FUT8: variants seen among roughly 807,000 people sequenced by gnomAD.
FUT8 encodes fucosyltransferase 8, also known as alpha-(1,6)-fucosyltransferase.
FUT8 carries 29 observed loss-of-function variants against 71.3 expected under a neutral mutation model. The observed-to-expected ratio is 0.41, with a 90% CI of 0.30 to 0.55. FUT8 has a LOEUF of 0.55. FUT8 is among the 20% of genes least tolerant of loss of function. FUT8 has a pLI of 0.34. For missense variants in FUT8, 544 were observed against 702.1 expected, an observed-to-expected ratio of 0.77 and a Z score of 2.55; for synonymous variants, 254 against 239.3, an observed-to-expected ratio of 1.06 and a Z score of -0.57.
At chr14:65,618,572 C>G (rs1889431253) in intron 5 of FUT8, among the ~76,000 whole-genome samples, 1 of 152,134 alleles carries the variant, frequency 6.6e-6, no homozygotes. Context: ...ATGAGCAAAA[C>G]ACAATCAAAC....
At chr14:65,359,833 CT>C in the FUT8 span, among the ~76,000 whole-genome samples, 6 of 150,472 alleles carry the variant, frequency 4.0e-5, no homozygotes, top group Admixed American at 6.7e-5. Context: ...AAGGCACACT[CT>C]TTTTTTTTTG....
chr14:65,473,788 C>T lies in FUT8; in HGVS notation c.-228+18070C>T, dbSNP rs187957866. Among the ~76,000 whole-genome samples, 238 of 152,200 alleles carry T rather than the reference C, an allele frequency of 1.6e-3. 2 individuals are homozygous for T. Among genetic ancestry groups the T allele is most frequent in the Non-Finnish European group, 4.0e-4 (27 of 68,022 alleles). On this transcript the variant is annotated intron_variant, in intron 2 of 10. Transcript: ENST00000673929. ...ACTAATGTTTAGAACTGAATTGGGT[C>T]CAGCAATTTAAGTGGAAAATCAGTA...
intron 1 of FUT8, among the ~76,000 whole-genome samples, chr14:65,424,396 G>C (rs1217685365): frequency 6.6e-6 from 1 of 152,100 alleles, no homozygotes; most frequent in Admixed American, 6.6e-5. Flanking sequence ...GTGGCTAAGT[G>C]TGTGGTATAA....
the FUT8 span, among the ~76,000 whole-genome samples, chr14:65,390,265 T>G: frequency 0.13 from 19,778 of 149,496 alleles, 1,957 homozygotes; most frequent in East Asian, 0.54. Context: ...GGAGGTTGCA[T>G]TGAGCTGAGA....
chr14:65,657,078 A>G (rs949101450), intron 6 of FUT8, among the ~76,000 whole-genome samples: 1 of 152,210 alleles, frequency 6.6e-6, no homozygotes. Context: ...TCTCCAGGAC[A>G]CTGGTTTGAG....
intron 2 of FUT8, among the ~76,000 whole-genome samples, chr14:65,501,357 A>C (rs997032065): frequency 2.0e-5 from 3 of 152,216 alleles, no homozygotes; most frequent in African/African-American, 4.8e-5. Flanking sequence ...GCCACTATTC[A>C]TATGGTTGAG....
intron 2 of FUT8, among the ~76,000 whole-genome samples, chr14:65,556,413 A>T (rs9972106): frequency 0.61 from 92,028 of 151,900 alleles, 28,081 homozygotes; most frequent in East Asian, 0.77. Context: ...GAGCACTTTA[A>T]ATCTTCGTTG....
At chr14:65,567,284 G>C (rs533324552) in intron 3 of FUT8, among the ~76,000 whole-genome samples, 5 of 151,978 alleles carry the variant, frequency 3.3e-5, no homozygotes, top group African/African-American at 1.2e-4. Context: ...ATTAATTTCC[G>C]ATTACCTGTT....
At chr14:65,650,159 C>CATG (rs1891302086) in intron 6 of FUT8, among the ~76,000 whole-genome samples, 1 of 151,718 alleles carries the variant, frequency 6.6e-6, no homozygotes, top group Admixed American at 6.6e-5. Flanking sequence ...ATTAGCCGGG[C>CATG]GTGGTGGCAC....
At chr14:65,687,646 A>G (rs1594897271) in intron 7 of FUT8, among the ~76,000 whole-genome samples, 1 of 152,150 alleles carries the variant, frequency 6.6e-6, no homozygotes, top group East Asian at 1.9e-4. Flanking sequence ...GAGCAGTTTT[A>G]AGCTTATAGA....
intron 3 of FUT8, among the ~76,000 whole-genome samples, chr14:65,610,538 C>T (rs1466392886): frequency 4.6e-5 from 7 of 151,676 alleles, no homozygotes; most frequent in Non-Finnish European, 8.8e-5. Context: ...TACAGGCATG[C>T]ACCACCATGC....
chr14:65,718,167 T>C (rs535305102), intron 7 of FUT8, among the ~76,000 whole-genome samples: 2 of 152,358 alleles, frequency 1.3e-5, no homozygotes, highest in East Asian at 3.9e-4. Flanking sequence ...CTATTTTCCT[T>C]TTAGTGAAGG....
At chr14:65,714,577 C>A (rs897552728) in intron 7 of FUT8, among the ~76,000 whole-genome samples, 11 of 152,002 alleles carry the variant, frequency 7.2e-5, no homozygotes, top group Non-Finnish European at 1.2e-4. Flanking sequence ...GCCACCACAT[C>A]CCCATTTAAG....
At chr14:65,386,214 G>A in the FUT8 span, among the ~76,000 whole-genome samples, 1 of 152,020 alleles carries the variant, frequency 6.6e-6, no homozygotes, top group Admixed American at 6.5e-5. Flanking sequence ...GGCTATGGCA[G>A]GAGAATTTCT....
chr14:65,727,241 G>A (rs1400536625), intron 9 of FUT8, among the ~76,000 whole-genome samples: 1 of 152,198 alleles, frequency 6.6e-6, no homozygotes, highest in Non-Finnish European at 1.5e-5. Flanking sequence ...TGTCCCAGTA[G>A]GGACTCTGTG....
At chr14:65,612,865 G>A (rs1889071663) in intron 3 of FUT8, among the ~76,000 whole-genome samples, 1 of 152,196 alleles carries the variant, frequency 6.6e-6, no homozygotes, top group Non-Finnish European at 1.5e-5. Flanking sequence ...GTCTTGGCTA[G>A]AAGTGGAAGT....
At chr14:65,505,073 A>AT (rs1231689358) in intron 2 of FUT8, among the ~76,000 whole-genome samples, 1 of 152,102 alleles carries the variant, frequency 6.6e-6, no homozygotes, top group Non-Finnish European at 1.5e-5. Context: ...GTTATATGAC[A>AT]TTTTTTTGGG....
intron 6 of FUT8, among the ~76,000 whole-genome samples, chr14:65,647,198 C>A (rs991583147): frequency 6.6e-6 from 1 of 152,114 alleles, no homozygotes; most frequent in East Asian, 1.9e-4. Context: ...ATAAAATACC[C>A]AGATCACTCA....
At chr14:65,720,841 T>A (rs1413915485) in intron 7 of FUT8, among the ~76,000 whole-genome samples, 2 of 152,172 alleles carry the variant, frequency 1.3e-5, no homozygotes, top group Non-Finnish European at 2.9e-5. Context: ...AAGTTCTCCC[T>A]CCATGGGCAT....
Sources: gnomAD v4.1 joint callset for allele counts (sites outside exome capture counted in the v4.1 genomes callset) on GRCh38, gnomAD v4.1.1 for gene constraint, MANE v1.5 for transcripts, NCBI Gene and HGNC (gene_info 2026-07-23, HGNC 2026-07-21) for gene names.